The following SLC35E4 variants were observed in gnomAD, a reference collection of about 807,000 sequenced individuals.
SLC35E4 encodes the protein solute carrier family 35, member E4.
A neutral mutation model predicts 19.3 loss-of-function variants in SLC35E4; 15 were observed. That is an observed-to-expected ratio of 0.78 (90% CI 0.52 to 1.20). The LOEUF (loss-of-function observed/expected upper bound fraction) is 1.20, where lower values mean the gene tolerates loss of function less well. Ranked by LOEUF, SLC35E4 falls within the 50% of genes most tolerant of loss-of-function variation. The pLI is 0.00. For synonymous variants in SLC35E4, 219 were observed against 219.9 expected (o/e 1.00, Z 0.04); for missense variants, 406 against 472.3 (o/e 0.86, Z 1.30).
intron 1 of SLC35E4, among the ~76,000 whole-genome samples, chr22:30,640,002 G>T (rs1204872508): frequency 6.6e-6 from 1 of 152,176 alleles, no homozygotes; most frequent in Non-Finnish European, 1.5e-5. Context: ...TTCAGAGATT[G>T]CAGTAAAGAC....
exon 3 of SLC35E4, chr22:30,663,204 G>C (rs1438325300): frequency 1.9e-6 from 1 of 518,678 alleles, no homozygotes; most frequent in African/African-American, 1.9e-5. Flanking sequence ...CTATCCCCTG[G>C]CCAGTGTCAC....
At chr22:30,659,912 A>G (rs1184941504) in intron 2 of SLC35E4, among the ~76,000 whole-genome samples, 1 of 152,210 alleles carries the variant, frequency 6.6e-6, no homozygotes, top group East Asian at 1.9e-4. Context: ...TGTGAGAAGA[A>G]TTCAACCTAT....
chr22:30,646,177 GT>G (rs2088125877), intron 1 of SLC35E4, among the ~76,000 whole-genome samples: 1 of 152,180 alleles, frequency 6.6e-6, no homozygotes, highest in Non-Finnish European at 1.5e-5. Context: ...GCATATCATT[GT>G]TTCAGCTCGT....
At chr22:30,656,564 T>C (rs1017226301) in intron 2 of SLC35E4, among the ~76,000 whole-genome samples, 4 of 152,212 alleles carry the variant, frequency 2.6e-5, no homozygotes, top group African/African-American at 9.6e-5. Context: ...CTAGAATCCC[T>C]GTTCTAAGCC....
rs570195302 is a variant in SLC35E4 at position 30,636,538 on chromosome 22, C to A, written c.88C>A (p.Pro30Thr). ...AGCTGGTGGTGCTCAGGCGGCTGGG[C>A]CCCCCGAGTGGCCCCCTGGCAGCCC... ...AAAGGAQAAG[P>T]PEWPPGSPQA... The change falls in exon 1 of 2, where the codon CCC becomes ACC. Residue 30 changes from proline (P) to threonine (T), a missense_variant. By Grantham distance (38) the Pro-to-Thr change is conservative (BLOSUM62 -1). Coordinates refer to ENST00000343605, the MANE Select transcript of SLC35E4 (RefSeq NM_001001479.4). 11 of 1,555,800 alleles carry A rather than the reference C, an allele frequency of 7.1e-6. No homozygotes were observed. Among genetic ancestry groups the A allele is most frequent in the African/African-American group, 6.8e-5 (5 of 73,320 alleles).
chr22:30,654,564 G>A (rs2088295149), intron 2 of SLC35E4: 10 of 451,596 alleles, frequency 2.2e-5, no homozygotes, highest in South Asian at 8.3e-5. Context: ...CTCGGGGTCC[G>A]CCAGAAGATG....
chr22:30,663,448 T>A, downstream of SLC35E4: 3 of 1,609,156 alleles, frequency 1.9e-6, no homozygotes, highest in Non-Finnish European at 2.6e-6. Flanking sequence ...CACAGTGGAA[T>A]CATCAAACGG....
Position 30,636,458 on chromosome 22 carries a change from G to T in SLC35E4, c.8G>T (p.Arg3Leu). The T allele has an allele frequency of 6.7e-7, 1 of 1,486,662 alleles. No individual in the cohort carries two copies. Among genetic ancestry groups the T allele is most frequent in the Non-Finnish European group, 9.0e-7 (1 of 1,111,482 alleles). The allele number at this position is 1,486,662 out of a possible 1,614,324, so 92.1% of individuals were successfully genotyped here. Residue 3 changes from arginine to leucine, a missense_variant, in exon 1 of 2, where the codon CGC becomes CTC. Physicochemically the swap from Arg to Leu is moderately radical, Grantham distance 102. Coordinates refer to ENST00000343605, the MANE Select transcript of SLC35E4 (RefSeq NM_001001479.4). MC[R>L]CPPEHHDGRM... is the part of the protein sequence containing the mutation. ...CTAGCCTCACTGGTGCGGATGTGCC[G>T]CTGCCCGCCGGAGCACCATGATGGC...
chr22:30,666,905 C>A (rs952470503), downstream of SLC35E4: 1 of 152,176 alleles, frequency 6.6e-6, no homozygotes, highest in African/African-American at 2.4e-5. Flanking sequence ...AACTATTTTT[C>A]TCGCTTCTGA....
chr22:30,649,052 A>G, downstream of SLC35E4: 1 of 629,524 alleles, frequency 1.6e-6, no homozygotes, highest in Non-Finnish European at 2.9e-6. Flanking sequence ...CCAGCCAGCT[A>G]CCTCTCCTGG....
chr22:30,649,088 A>T (rs752784587), downstream of SLC35E4: 127 of 692,356 alleles, frequency 1.8e-4, 1 homozygote, highest in Admixed American at 9.5e-4. Flanking sequence ...GATGATAAGG[A>T]CCCAGTTGGA....
chr22:30,639,189 G>C (rs188141058), intron 1 of SLC35E4, among the ~76,000 whole-genome samples: 1 of 152,118 alleles, frequency 6.6e-6, no homozygotes, highest in Non-Finnish European at 1.5e-5. Context: ...GTCCGGGGGA[G>C]ACATCATATG....
At chr22:30,650,642 C>A (rs1434037350), downstream of SLC35E4, among the ~76,000 whole-genome samples, 1 of 152,178 alleles carries the variant, frequency 6.6e-6, no homozygotes, top group Non-Finnish European at 1.5e-5. Context: ...AGCAGTGGAA[C>A]CTAATCCCCC....
chr22:30,645,424 G>A (rs1395352839), intron 1 of SLC35E4, among the ~76,000 whole-genome samples: 1 of 151,952 alleles, frequency 6.6e-6, no homozygotes, highest in Non-Finnish European at 1.5e-5. Context: ...GCGAAACCCC[G>A]TCTCTACTAA....
downstream of SLC35E4, chr22:30,665,511 C>G (rs753549425): frequency 4.2e-6 from 2 of 471,052 alleles, no homozygotes; most frequent in South Asian, 3.1e-5. Flanking sequence ...CTGGTCCATT[C>G]AGCAGAGGAC....
chr22:30,664,047 C>T, downstream of SLC35E4: 1 of 1,528,710 alleles, frequency 6.5e-7, no homozygotes, highest in Non-Finnish European at 8.9e-7. Context: ...AGCACGAAGG[C>T]TGCGTCTTTC....
chr22:30,637,641 C>T (rs577556611), intron 1 of SLC35E4, among the ~76,000 whole-genome samples: 1 of 152,302 alleles, frequency 6.6e-6, no homozygotes. Context: ...CTTCCCCCCT[C>T]AGCTTCCTGA....
Position 30,647,108 on chromosome 22 carries a change from G to T in SLC35E4, c.*77G>T. Reference sequence around the variant, plus strand: ...CTCCGCTGTGGCCATAGAAGGAATGGAGAACAGGGCTGGGCATGGTGGCTC... The same window carrying T: ...CTCCGCTGTGGCCATAGAAGGAATGTAGAACAGGGCTGGGCATGGTGGCTC... On this transcript the variant is annotated 3_prime_UTR_variant, in exon 2 of 2. Coordinates refer to ENST00000343605, the MANE Select transcript of SLC35E4 (RefSeq NM_001001479.4). 6.8e-7 allele frequency: 1 copy of T among 1,475,366 alleles called. No homozygotes were observed. The highest frequency in any genetic ancestry group is 1.3e-5 in the South Asian group (1 of 74,498). The allele number at this position is 1,475,366 out of a possible 1,614,324, so 91.4% of individuals were successfully genotyped here.
In SLC35E4 at chr22:30,646,871, T is replaced by C. The variant is rs777554045; in HGVS notation, c.893T>C (p.Leu298Pro). Residue 298 changes from leucine (L) to proline (P), a missense_variant, in exon 2 of 2, where the codon CTG becomes CCG. Transcript: ENST00000343605. ...CTCACCGTGGTGGGCAACCTCATCCTGTCCCGGCTGTTGTTTGGCAGCCGC... is the reference window on the plus strand; with the variant it reads ...CTCACCGTGGTGGGCAACCTCATCCCGTCCCGGCTGTTGTTTGGCAGCCGC... The part of the protein sequence containing the change: ...GNLTVVGNLI[L>P]SRLLFGSRLS... 2 of 1,614,258 alleles carry C rather than the reference T, an allele frequency of 1.2e-6. No individual in the cohort carries two copies. Among genetic ancestry groups the C allele is most frequent in the South Asian group, 2.2e-5 (2 of 91,090 alleles).
Sources: gnomAD v4.1 joint callset for allele counts (sites outside exome capture counted in the v4.1 genomes callset) on GRCh38, gnomAD v4.1.1 for gene constraint, MANE v1.5 for transcripts, NCBI Gene and HGNC (gene_info 2026-07-23, HGNC 2026-07-21) for gene names.